Variants in ITFG1 observed in about 807,000 individuals in gnomAD.
ITFG1 encodes the protein integrin alpha FG-GAP repeat containing 1.
ITFG1 carries 34 observed loss-of-function variants against 81.8 expected under a neutral mutation model. That is an observed-to-expected ratio of 0.42 (90% CI 0.32 to 0.55). ITFG1 has a LOEUF of 0.55. Ranked by LOEUF, ITFG1 falls within the 20% of genes least tolerant of loss-of-function variation. ITFG1 has a pLI of 0.17. For synonymous variants in ITFG1, 285 were observed against 270.6 expected (o/e 1.05, Z -0.52); for missense variants, 672 against 755.4 (o/e 0.89, Z 1.29).
intron 14 of ITFG1, among the ~76,000 whole-genome samples, chr16:47,179,922 A>C (rs1410784501): frequency 6.6e-6 from 1 of 152,230 alleles, no homozygotes; most frequent in Non-Finnish European, 1.5e-5. Flanking sequence ...GATTGTGAAT[A>C]AAGGAATCCA....
At chr16:47,199,223 C>A (rs1040934377) in intron 14 of ITFG1, among the ~76,000 whole-genome samples, 1 of 151,982 alleles carries the variant, frequency 6.6e-6, no homozygotes, top group South Asian at 2.1e-4. Context: ...GCCGAGATCA[C>A]GCCACTGCAC....
chr16:47,306,908 C>G (rs1567453535), intron 10 of ITFG1, among the ~76,000 whole-genome samples: 1 of 151,616 alleles, frequency 6.6e-6, no homozygotes, highest in Non-Finnish European at 1.5e-5. Flanking sequence ...TCCTGGCTAA[C>G]ATGGTGAAAT....
intron 13 of ITFG1, among the ~76,000 whole-genome samples, chr16:47,231,484 A>G (rs1212768565): frequency 6.6e-6 from 1 of 152,232 alleles, no homozygotes; most frequent in African/African-American, 2.4e-5. Flanking sequence ...TAATACTGAT[A>G]TTTACCATAT....
intron 10 of ITFG1, among the ~76,000 whole-genome samples, chr16:47,262,365 A>C (rs1248710299): frequency 6.6e-6 from 1 of 152,208 alleles, no homozygotes; most frequent in Non-Finnish European, 1.5e-5. Context: ...TTAAAATTCT[A>C]ATTTATAAAA....
At chr16:47,189,672 C>A (rs1373597914) in intron 14 of ITFG1, among the ~76,000 whole-genome samples, 1 of 152,128 alleles carries the variant, frequency 6.6e-6, no homozygotes, top group Non-Finnish European at 1.5e-5. Flanking sequence ...CATTCATGTA[C>A]AAGTTTTATG....
chr16:47,420,685 T>G (rs888877855), intron 6 of ITFG1, among the ~76,000 whole-genome samples: 1 of 152,212 alleles, frequency 6.6e-6, no homozygotes, highest in African/African-American at 2.4e-5. Flanking sequence ...TCCTATTTTT[T>G]GCTACATGAT....
At chr16:47,393,453 G>A (rs1040881878) in intron 6 of ITFG1, among the ~76,000 whole-genome samples, 2 of 152,136 alleles carry the variant, frequency 1.3e-5, no homozygotes, top group Admixed American at 6.5e-5. Context: ...AGTGGCAGCC[G>A]AGTGTGGTGA....
At chr16:47,396,391 CTTCAAA>C (rs1968593792) in intron 6 of ITFG1, among the ~76,000 whole-genome samples, 1 of 151,948 alleles carries the variant, frequency 6.6e-6, no homozygotes, top group South Asian at 2.1e-4. Context: ...AGAAAGGGAA[CTTCAAA>C]TTCAAACTGT....
chr16:47,426,803 T>C, intron 6 of ITFG1, among the ~76,000 whole-genome samples: 1 of 152,146 alleles, frequency 6.6e-6, no homozygotes, highest in East Asian at 1.9e-4. Context: ...TGCAATATTA[T>C]TTTCTACCTG....
At chr16:47,237,322 C>G (rs961145012) in intron 13 of ITFG1, among the ~76,000 whole-genome samples, 3 of 152,160 alleles carry the variant, frequency 2.0e-5, no homozygotes, top group Non-Finnish European at 4.4e-5. Context: ...GATAATTTAA[C>G]TTCTCTGAGT....
chr16:47,282,823 A>C (rs1461105664), intron 10 of ITFG1, among the ~76,000 whole-genome samples: 1 of 151,964 alleles, frequency 6.6e-6, no homozygotes, highest in Non-Finnish European at 1.5e-5. Flanking sequence ...TTTAATTCTT[A>C]TTTCTCTGAT....
chr16:47,193,094 CTTTTT>C (rs200520892), intron 14 of ITFG1, among the ~76,000 whole-genome samples: 1 of 150,366 alleles, frequency 6.7e-6, no homozygotes, highest in Non-Finnish European at 1.5e-5. Context: ...TCAGTTTGTT[CTTTTT>C]TTTTGGTGAG....
chr16:47,366,780 T>C (rs557469502), intron 7 of ITFG1, among the ~76,000 whole-genome samples: 1 of 152,290 alleles, frequency 6.6e-6, no homozygotes, highest in African/African-American at 2.4e-5. Context: ...AGTTTTTCCT[T>C]CTTTGCTCCT....
At chr16:47,342,476 C>G (rs1443747427) in intron 8 of ITFG1, among the ~76,000 whole-genome samples, 1 of 151,994 alleles carries the variant, frequency 6.6e-6, no homozygotes, top group Admixed American at 6.6e-5. Flanking sequence ...CACTGCTATT[C>G]AACATACTGG....
chr16:47,263,091 A>G, intron 10 of ITFG1: 1 of 240,266 alleles, frequency 4.2e-6, no homozygotes, highest in South Asian at 7.0e-5. Context: ...TGAAATAAGG[A>G]ATGCATCCCT....
chr16:47,260,825 T>TG, intron 10 of ITFG1, 130 bp from the exon 11 acceptor site: 1 of 1,010,562 alleles, frequency 9.9e-7, no homozygotes, highest in Middle Eastern at 2.1e-4. Context: ...AATCTCCACA[T>TG]TTTTTGTTTA....
chr16:47,336,889 G>A (rs1054470923), intron 8 of ITFG1, among the ~76,000 whole-genome samples: 1 of 151,788 alleles, frequency 6.6e-6, no homozygotes, highest in Admixed American at 6.6e-5. Context: ...TCTGAACCCA[G>A]GAGGCGGAGG....
chr16:47,339,465 G>A (rs1342245070), intron 8 of ITFG1, among the ~76,000 whole-genome samples: 3 of 152,058 alleles, frequency 2.0e-5, no homozygotes, highest in Non-Finnish European at 2.9e-5. Flanking sequence ...GAAAATATAG[G>A]CAAGTAGCTA....
intron 10 of ITFG1, among the ~76,000 whole-genome samples, chr16:47,295,862 A>G (rs1048387563): frequency 6.6e-5 from 10 of 151,434 alleles, no homozygotes; most frequent in Admixed American, 6.6e-4. Flanking sequence ...GTTTGTTCAT[A>G]TGTTTCTAGT....
Sources: gnomAD v4.1 joint callset for allele counts (sites outside exome capture counted in the v4.1 genomes callset) on GRCh38, gnomAD v4.1.1 for gene constraint, MANE v1.5 for transcripts, NCBI Gene and HGNC (gene_info 2026-07-23, HGNC 2026-07-21) for gene names.